IL5: variants seen among roughly 807,000 people sequenced by gnomAD.
IL5 encodes interleukin-5.
A neutral mutation model predicts 16.3 loss-of-function variants in IL5; 12 were observed. That is an observed-to-expected ratio of 0.74 (90% CI 0.47 to 1.20). The LOEUF is 1.20. IL5 is among the 50% of genes most tolerant of loss of function. The pLI is 0.00. For synonymous variants in IL5, 54 were observed against 56.6 expected (o/e 0.95, Z 0.21); for missense variants, 159 against 153.9 (o/e 1.03, Z -0.17).
Position 132,543,428 on chromosome 5 carries a change from C to T in IL5, c.51G>A (p.Val17=), listed in dbSNP as rs755574063. 1 of 1,614,150 alleles carries T rather than the reference C, an allele frequency of 6.2e-7. No individual in the cohort carries two copies. The highest frequency in any genetic ancestry group is 8.5e-7 in the Non-Finnish European group (1 of 1,179,982). Residue 17 remains valine (V), a synonymous_variant, in exon 1 of 4, where the codon GTG becomes GTA. Transcript: ENST00000231454. ...TGGGAATTTCTGTGGGGATGGCATA[C>T]ACGTAGGCAGCTCCAAGAGCTAGCA... is the stretch of plus-strand genomic sequence containing the variant. The part of the protein sequence containing the change: ...LSLLALGAAY[V]YAIPTEIPTS...
intron 1 of IL5, among the ~76,000 whole-genome samples, chr5:132,554,216 A>T (rs1749933918): frequency 6.6e-6 from 1 of 151,866 alleles, no homozygotes. Flanking sequence ...AAATACAAAA[A>T]ATTAGCCAGG....
chr5:132,553,571 TAAGTA>T (rs931398908), intron 1 of IL5, among the ~76,000 whole-genome samples: 8 of 152,306 alleles, frequency 5.3e-5, no homozygotes, highest in African/African-American at 7.2e-5. Context: ...CTTACAGTGG[TAAGTA>T]AAGTAAAGTG....
At chr5:132,554,366 CAAAAAA>C (rs70974050) in intron 1 of IL5, among the ~76,000 whole-genome samples, 2 of 80,994 alleles carry the variant, frequency 2.5e-5, no homozygotes, top group South Asian at 4.6e-4. Flanking sequence ...GACTCCATCT[CAAAAAA>C]AAAAAAAAAA....
At chr5:132,548,179 C>T (rs979518838), upstream of IL5, among the ~76,000 whole-genome samples, 5 of 151,404 alleles carry the variant, frequency 3.3e-5, no homozygotes, top group South Asian at 2.1e-4. Flanking sequence ...GAGGATCAAT[C>T]GGGCCCAAGA....
intron 1 of IL5, among the ~76,000 whole-genome samples, chr5:132,549,640 C>T (rs1033449810): frequency 3.9e-5 from 6 of 152,136 alleles, no homozygotes; most frequent in Non-Finnish European, 5.9e-5. Context: ...AACATCCATC[C>T]TTTTGCCCTA....
At chr5:132,552,243 T>C (rs1231058643) in intron 1 of IL5, among the ~76,000 whole-genome samples, 1 of 152,060 alleles carries the variant, frequency 6.6e-6, no homozygotes, top group East Asian at 1.9e-4. Context: ...CACTCCAGCC[T>C]GGCAACAGAG....
rs746037659 is a variant in IL5 at position 132,543,517 on chromosome 5, G to A, written c.-39C>T. 4 of 1,608,794 alleles carry A rather than the reference G, an allele frequency of 2.5e-6. No individual in the cohort carries two copies. Among genetic ancestry groups the A allele is most frequent in the East Asian group, 4.5e-5 (2 of 44,850 alleles). On this transcript the variant is annotated 5_prime_UTR_variant, in exon 1 of 4. Transcript: ENST00000231454. ...TCTGCGTTTGCCTTTGGCAAAGAAA[G>A]TGCATAGTACAAGACTGCGTCCCCA... is the stretch of plus-strand genomic sequence containing the variant.
chr5:132,556,604 T>C (rs1021237590), intron 1 of IL5: 3 of 1,017,836 alleles, frequency 2.9e-6, no homozygotes, highest in South Asian at 2.0e-5. Flanking sequence ...ATGTGATCAC[T>C]GGAAATTACT....
At chr5:132,552,128 G>A (rs1276772682) in intron 1 of IL5, among the ~76,000 whole-genome samples, 2 of 152,124 alleles carry the variant, frequency 1.3e-5, no homozygotes, top group African/African-American at 4.8e-5. Flanking sequence ...AATTAGCTGG[G>A]CTTGGTGGTG....
At chr5:132,551,997 A>G (rs1326109159) in intron 1 of IL5, among the ~76,000 whole-genome samples, 1 of 152,196 alleles carries the variant, frequency 6.6e-6, no homozygotes, top group Non-Finnish European at 1.5e-5. Flanking sequence ...AGAGGTTCTC[A>G]GGCTGGGCGC....
At chr5:132,555,358 G>C (rs1561625625) in intron 1 of IL5, among the ~76,000 whole-genome samples, 1 of 152,190 alleles carries the variant, frequency 6.6e-6, no homozygotes, top group African/African-American at 2.4e-5. Flanking sequence ...GAGACAGTAA[G>C]TAGAATGTTG....
chr5:132,550,050 C>A (rs1452002647), intron 1 of IL5, among the ~76,000 whole-genome samples: 1 of 151,958 alleles, frequency 6.6e-6, no homozygotes, highest in Non-Finnish European at 1.5e-5. Flanking sequence ...ATGAGTATTT[C>A]TTTTTCACAT....
At chr5:132,548,566 T>C (rs1156889406) in intron 1 of IL5, among the ~76,000 whole-genome samples, 1 of 152,204 alleles carries the variant, frequency 6.6e-6, no homozygotes, top group Admixed American at 6.5e-5. Flanking sequence ...CCATTGTCTA[T>C]GTGGAGTTTG....
chr5:132,552,634 GACA>G (rs1749902462), intron 1 of IL5, among the ~76,000 whole-genome samples: 1 of 151,924 alleles, frequency 6.6e-6, no homozygotes, highest in Non-Finnish European at 1.5e-5. Flanking sequence ...TTAAATTACA[GACA>G]ACATGACACA....
chr5:132,543,404 G>A lies in IL5; in HGVS notation c.75C>T (p.Pro25=). Residue 25 remains proline (P), a synonymous_variant, in exon 1 of 4, where the codon CCC becomes CCT. Transcript: ENST00000231454. ...AYVYAIPTEI[P]TSALVKETLA... Reference sequence around the variant, plus strand: ...AGGTCTCTTTCACCAATGCACTTGTGGGAATTTCTGTGGGGATGGCATACA... The same window carrying A: ...AGGTCTCTTTCACCAATGCACTTGTAGGAATTTCTGTGGGGATGGCATACA... 1 of 1,614,160 alleles carries A rather than the reference G, an allele frequency of 6.2e-7. No individual in the cohort carries two copies. Among genetic ancestry groups the A allele is most frequent in the African/African-American group, 1.3e-5 (1 of 75,062 alleles).
intron 1 of IL5, among the ~76,000 whole-genome samples, chr5:132,548,764 A>G (rs1386220962): frequency 1.3e-5 from 2 of 152,182 alleles, no homozygotes; most frequent in Non-Finnish European, 1.5e-5. Flanking sequence ...GCCATCTTCA[A>G]CCTTCAACTG....
Position 132,551,634 on chromosome 5 carries a change from GA to G in IL5, c.42+5039del, listed in dbSNP as rs577696594. Among the ~76,000 whole-genome samples the G allele has an allele frequency of 1.7e-3, 261 of 152,258 alleles. 2 individuals are homozygous for G. The highest frequency in any genetic ancestry group is 6.2e-3 in the African/African-American group (256 of 41,542). On this transcript the variant is annotated intron_variant, in intron 1 of 2. Transcript: ENST00000450655. ...CCCACCTCGCACCCTGAGCTGATGG[GA>G]AAAGCTCCAGCCACCTGCAAACTTG...
rs549981873 is a variant in IL5 at position 132,552,822 on chromosome 5, A to G, written c.42+3852T>C. Among the ~76,000 whole-genome samples, 92 of 151,988 alleles carry G rather than the reference A, an allele frequency of 6.1e-4. 1 individual carries two copies. In the South Asian group the frequency reaches 0.017, roughly 29 times the overall value. ...GTGATCTTGGCTCACTGCAACCTCT[A>G]CCTCCCGGGTTCAGCGATTTTCCTG... is the stretch of plus-strand genomic sequence containing the variant. On this transcript the variant is annotated intron_variant, in intron 1 of 2. Coordinates refer to the IL5 transcript ENST00000450655.
intron 1 of IL5, among the ~76,000 whole-genome samples, chr5:132,553,938 TAAAAAAAA>T (rs57467548): frequency 1.1e-5 from 1 of 87,300 alleles, no homozygotes; most frequent in Non-Finnish European, 2.1e-5. Context: ...GACTCCGTCT[TAAAAAAAA>T]AAAAAAAAAA....
Sources: allele counts gnomAD v4.1 joint callset (sites outside exome capture counted in the v4.1 genomes callset), GRCh38; gene constraint gnomAD v4.1.1; transcripts MANE v1.5; gene names NCBI Gene and HGNC (gene_info 2026-07-23, HGNC 2026-07-21).